NFATC2: variants seen among roughly 807,000 people sequenced by gnomAD.
NFATC2 encodes nuclear factor of activated T cells 2.
A neutral mutation model predicts 87.3 loss-of-function variants in NFATC2; 22 were observed. That is an observed-to-expected ratio of 0.25 (90% CI 0.18 to 0.36). The LOEUF is 0.36. Ranked by LOEUF, NFATC2 falls within the 10% of genes least tolerant of loss-of-function variation. The pLI is 1.00. For synonymous variants in NFATC2, 565 were observed against 542.2 expected (o/e 1.04, Z -0.58); for missense variants, 1,149 against 1,259.1 (o/e 0.91, Z 1.32).
At chr20:51,446,710 C>T (rs146241687) in intron 6 of NFATC2, among the ~76,000 whole-genome samples, 79 of 152,338 alleles carry the variant, frequency 5.2e-4, no homozygotes, top group Non-Finnish European at 2.5e-4. Flanking sequence ...TCCCTGAAAA[C>T]GAGACCATTT....
rs1986137192 is a variant in NFATC2, at chr20:51,389,857, T to TACAGACTG, written c.*1631_*1638dup. On this transcript the variant is annotated 3_prime_UTR_variant, in exon 11 of 11. Coordinates refer to ENST00000371564, the MANE Select transcript of NFATC2 (RefSeq NM_012340.5). The stretch of plus-strand genomic sequence containing the variant: ...TGACTTTCTTCTGAGGCCTTCTGCC[T>TACAGACTG]ACAGACTGTACAGACTGGACTGAGA... The TACAGACTG allele has an allele frequency of 6.6e-6, 1 of 150,662 alleles. No homozygotes were observed. Among genetic ancestry groups the TACAGACTG allele is most frequent in the African/African-American group, 2.5e-5 (1 of 40,056 alleles). 9.3% of individuals were successfully genotyped at this position (150,662 alleles called of 1,614,324 possible).
At chr20:51,457,291 G>C (rs1344897138) in intron 5 of NFATC2, among the ~76,000 whole-genome samples, 1 of 152,230 alleles carries the variant, frequency 6.6e-6, no homozygotes, top group Non-Finnish European at 1.5e-5. Context: ...GTGCAGTGGC[G>C]AGAGCATCCC....
intron 3 of NFATC2, among the ~76,000 whole-genome samples, chr20:51,507,752 G>A (rs1327321529): frequency 6.6e-6 from 1 of 152,222 alleles, no homozygotes; most frequent in Non-Finnish European, 1.5e-5. Flanking sequence ...ATGGGCTGTG[G>A]CTGCAGACGT....
chr20:51,496,647 T>G (rs539004562), intron 3 of NFATC2, among the ~76,000 whole-genome samples: 18 of 152,324 alleles, frequency 1.2e-4, no homozygotes, highest in African/African-American at 4.3e-4. Context: ...AACCTCTTTT[T>G]GGGGTACTAT....
At chr20:51,404,068 G>A (rs879758160) in intron 9 of NFATC2, among the ~76,000 whole-genome samples, 13 of 152,170 alleles carry the variant, frequency 8.5e-5, no homozygotes, top group Admixed American at 1.3e-4. Flanking sequence ...TATCCCCACC[G>A]CCACACCTTT....
intron 3 of NFATC2, among the ~76,000 whole-genome samples, chr20:51,502,888 TTAAA>T (rs1253070363): frequency 6.6e-6 from 1 of 152,214 alleles, no homozygotes; most frequent in Non-Finnish European, 1.5e-5. Context: ...GCCTACTTGG[TTAAA>T]TAAATGATGT....
intron 1 of NFATC2, among the ~76,000 whole-genome samples, chr20:51,557,318 G>C (rs184353964): frequency 6.6e-6 from 1 of 152,138 alleles, no homozygotes; most frequent in Non-Finnish European, 1.5e-5. Flanking sequence ...AGGGGTGTGG[G>C]TTTGAATCCA....
At position 51,562,269 on chromosome 20, in the gene NFATC2, C is replaced by G. The variant is rs563570332; in HGVS notation, c.70+291G>C. 1.4e-4 allele frequency among the ~76,000 whole-genome samples: 21 copies of G among 152,356 alleles called. No homozygotes were observed. The highest frequency in any genetic ancestry group is 6.2e-4 in the South Asian group (3 of 4,824). On this transcript the variant is annotated intron_variant, in intron 1 of 10. Transcript: ENST00000414705. The surrounding 1 kb of genome is among the most constrained non-coding windows in gnomAD (Gnocchi z 5.8). ...GTAGCGAGAATCCCTCCCGGTGTCC[C>G]GTGGAGAGGAAAATCCTCCCGACAG...
intron 1 of NFATC2, among the ~76,000 whole-genome samples, chr20:51,538,345 G>C (rs1231727632): frequency 1.3e-5 from 2 of 151,868 alleles, no homozygotes; most frequent in Admixed American, 1.3e-4. Context: ...TGCTAAAAAA[G>C]CCTTTGATAT....
chr20:51,423,731 G>T (rs966297806), intron 9 of NFATC2, among the ~76,000 whole-genome samples: 32 of 152,312 alleles, frequency 2.1e-4, no homozygotes, highest in Admixed American at 9.8e-4. Context: ...ACTGGATGCT[G>T]CCTCTCACTT....
chr20:51,417,066 A>G (rs1410946114), intron 9 of NFATC2, among the ~76,000 whole-genome samples: 2 of 152,164 alleles, frequency 1.3e-5, no homozygotes, highest in Non-Finnish European at 2.9e-5. Flanking sequence ...GTGGACTCAG[A>G]ATCACTTCTC....
chr20:51,398,487 C>G (rs1382254839), intron 10 of NFATC2, among the ~76,000 whole-genome samples, 156 bp downstream of exon 10: 1 of 151,916 alleles, frequency 6.6e-6, no homozygotes, highest in African/African-American at 2.4e-5. Flanking sequence ...GTGTCCACTT[C>G]AGGAGTGGAG....
At chr20:51,450,310 G>A (rs1985613302) in intron 6 of NFATC2, among the ~76,000 whole-genome samples, 1 of 152,146 alleles carries the variant, frequency 6.6e-6, no homozygotes, top group Admixed American at 6.5e-5. Flanking sequence ...CCAGCACCTG[G>A]GGCAGCATGT....
At position 51,432,048 on chromosome 20, in the gene NFATC2, C is replaced by G. The variant is rs537923971; in HGVS notation, c.2722+19G>C. On this transcript the variant is annotated intron_variant, in intron 9 of 10. Transcript: ENST00000371564. The surrounding 1 kb of genome is among the most constrained non-coding windows in gnomAD (Gnocchi z 4.6). The stretch of plus-strand genomic sequence containing the variant: ...AGGGCACCATCCTTACAGGCAGTGA[C>G]AAAACTCAAGCGTCTTACCATCATC... 6.6e-7 allele frequency: 1 copy of G among 1,511,690 alleles called. No individual in the cohort carries two copies. Among genetic ancestry groups the G allele is most frequent in the Non-Finnish European group, 8.9e-7 (1 of 1,128,806 alleles). The allele number at this position is 1,511,690 out of a possible 1,614,324, so 93.6% of individuals were successfully genotyped here.
intron 3 of NFATC2, among the ~76,000 whole-genome samples, chr20:51,490,387 G>A (rs538740533): frequency 2.6e-5 from 4 of 152,220 alleles, no homozygotes; most frequent in African/African-American, 7.2e-5. Context: ...ACAACTATAC[G>A]ATCTTCTGTT....
chr20:51,551,711 TAAAACAAAAATTTTG>T, intron 1 of NFATC2, among the ~76,000 whole-genome samples: 1 of 12,946 alleles, frequency 7.7e-5, no homozygotes, highest in African/African-American at 2.4e-3. Flanking sequence ...GCCAAAATTT[TAAAACAAAAATTTTG>T]TTTTAAAAAT....
At chr20:51,427,279 G>A (rs1185472745) in intron 9 of NFATC2, among the ~76,000 whole-genome samples, 3 of 152,116 alleles carry the variant, frequency 2.0e-5, no homozygotes, top group African/African-American at 7.2e-5. Context: ...GCACCACAGA[G>A]CGCTAGTAAA....
intron 1 of NFATC2, among the ~76,000 whole-genome samples, chr20:51,560,556 T>C (rs759576064): frequency 1.2e-4 from 18 of 152,208 alleles, no homozygotes; most frequent in Non-Finnish European, 2.1e-4. Flanking sequence ...GGATGGGATA[T>C]TGGGCTTTCC....
intron 9 of NFATC2, among the ~76,000 whole-genome samples, chr20:51,400,571 G>A (rs966375793): frequency 2.6e-5 from 4 of 152,324 alleles, no homozygotes; most frequent in South Asian, 2.1e-4. Context: ...GGCTCCGTCT[G>A]CAGCATTCGG....
Sources: gnomAD v4.1 joint callset for allele counts (sites outside exome capture counted in the v4.1 genomes callset) on GRCh38, gnomAD v4.1.1 for gene constraint, Gnocchi (gnomAD v3.1) non-coding constraint, MANE v1.5 for transcripts, NCBI Gene and HGNC (gene_info 2026-07-23, HGNC 2026-07-21) for gene names.